Variants in CRTC1 observed in about 807,000 individuals in gnomAD.
CRTC1 encodes the protein CREB regulated transcription coactivator 1.
Under a neutral mutation model 66.1 loss-of-function variants are expected in CRTC1, and 18 were observed. The ratio of observed to expected loss-of-function variants is 0.27; its 90% confidence interval spans 0.19 to 0.40. CRTC1 has a LOEUF of 0.40. Ranked by LOEUF, CRTC1 falls within the 10% of genes least tolerant of loss-of-function variation. The probability of loss-of-function intolerance (pLI) is 1.00; values close to 1 mark genes in which losing one functional copy is unlikely to be tolerated. For synonymous variants in CRTC1, 416 were observed against 398.8 expected, an observed-to-expected ratio of 1.04 and a Z score of -0.51; for missense variants, 669 against 887.9, an observed-to-expected ratio of 0.75 and a Z score of 3.13.
chr19:18,723,253 T>C (rs1195883633), intron 1 of CRTC1, among the ~76,000 whole-genome samples: 1 of 152,240 alleles, frequency 6.6e-6, no homozygotes, highest in African/African-American at 2.4e-5. Flanking sequence ...CCTACAATCA[T>C]ATTTTGTTGT....
At chr19:18,753,113 A>G (rs1193826381) in intron 5 of CRTC1, among the ~76,000 whole-genome samples, 1 of 151,766 alleles carries the variant, frequency 6.6e-6, no homozygotes, top group Admixed American at 6.6e-5. Context: ...AAAATAAAAA[A>G]AATAAAAAAA....
At chr19:18,762,438 A>G (rs894754769) in intron 8 of CRTC1, among the ~76,000 whole-genome samples, 2 of 152,124 alleles carry the variant, frequency 1.3e-5, no homozygotes, top group Admixed American at 6.5e-5. Flanking sequence ...GGCACACACG[A>G]AGGTGGCCCC....
intron 1 of CRTC1, among the ~76,000 whole-genome samples, chr19:18,737,389 G>C (rs1055332284): frequency 1.3e-5 from 2 of 152,082 alleles, no homozygotes; most frequent in Admixed American, 1.3e-4. Context: ...ACTGATGCTG[G>C]CAAGCTCTCA....
chr19:18,758,635 T>G lies in CRTC1; in HGVS notation c.625-916T>G, dbSNP rs541288561. The stretch of plus-strand genomic sequence containing the variant: ...GGGACTCTCAGGAAGTAGCAGACCC[T>G]GAGGGTCCCCGGGGAAGTCACATGT... On this transcript the variant is annotated intron_variant, in intron 6 of 13. Transcript: ENST00000321949. Among the ~76,000 whole-genome samples the G allele has an allele frequency of 4.7e-3, 715 of 152,302 alleles. 5 individuals are homozygous for G. Among genetic ancestry groups the G allele is most frequent in the Admixed American group, 7.4e-3 (113 of 15,296 alleles).
intron 4 of CRTC1, among the ~76,000 whole-genome samples, chr19:18,748,435 T>A (rs12981986): frequency 0.017 from 2,416 of 143,636 alleles, 164 homozygotes; most frequent in Admixed American, 0.13. Flanking sequence ...CCCAGGCTGG[T>A]CTCAAACTCC....
At chr19:18,700,402 C>G (rs1039107201) in intron 1 of CRTC1, among the ~76,000 whole-genome samples, 6 of 152,156 alleles carry the variant, frequency 3.9e-5, no homozygotes, top group African/African-American at 1.4e-4. Flanking sequence ...GGGCTCTCGG[C>G]AAGGGGGCGA....
chr19:18,755,784 A>G (rs1056429319), intron 6 of CRTC1, among the ~76,000 whole-genome samples: 21 of 151,064 alleles, frequency 1.4e-4, no homozygotes, highest in Admixed American at 1.3e-3. Flanking sequence ...TAAATCATTT[A>G]TAGAGACAGG....
intron 1 of CRTC1, among the ~76,000 whole-genome samples, chr19:18,730,111 G>T (rs1027758861): frequency 6.6e-6 from 1 of 152,138 alleles, no homozygotes; most frequent in African/African-American, 2.4e-5. Context: ...GGCCGGCCGT[G>T]GCTTCTGATG....
In CRTC1 at chr19:18,745,606, C is replaced by T. The variant is rs952364536; in HGVS notation, c.244-217C>T. ...TGCACGCCCCTGCCACCCTGGCTCC[C>T]GGGACCCCAGCTCACACCCCCTCCC... On this transcript the variant is annotated intron_variant, in intron 2 of 13. Coordinates refer to ENST00000321949, the MANE Select transcript of CRTC1 (RefSeq NM_015321.3). Among the ~76,000 whole-genome samples the T allele has an allele frequency of 3.9e-5, 6 of 152,168 alleles. 1 individual carries two copies. The highest frequency in any genetic ancestry group is 1.4e-4 in the African/African-American group (6 of 41,442).
At position 18,749,862 on chromosome 19, in the gene CRTC1, G is replaced by A. The variant is rs1466224534; in HGVS notation, c.525G>A (p.Val175=). ...CCTTTAGCAGTGGGTCCCAGGACGTGCACCAGAAAAGAGGTATGGACAGGG... is the reference window on the plus strand; with the variant it reads ...CCTTTAGCAGTGGGTCCCAGGACGTACACCAGAAAAGAGGTATGGACAGGG... ...PESFSSGSQD[V]HQKRVLLLTV... Residue 175 remains valine (V), a synonymous_variant, in exon 5 of 14, where the codon GTG becomes GTA. Coordinates refer to ENST00000321949, the MANE Select transcript of CRTC1 (RefSeq NM_015321.3). 1 of 1,613,904 alleles carries A rather than the reference G, an allele frequency of 6.2e-7. No individual in the cohort carries two copies. Among genetic ancestry groups the A allele is most frequent in the Non-Finnish European group, 8.5e-7 (1 of 1,179,836 alleles).
At position 18,747,244 on chromosome 19, in the gene CRTC1, T is replaced by G. The variant is rs148896022; in HGVS notation, c.443+130T>G. 5.8e-4 allele frequency: 373 copies of G among 644,648 alleles called. 2 individuals carry two copies. The highest frequency in any genetic ancestry group is 2.8e-3 in the South Asian group (143 of 51,220). 39.9% of individuals were successfully genotyped at this position (644,648 alleles called of 1,614,324 possible). On this transcript the variant is annotated intron_variant, in intron 4 of 13. Transcript: ENST00000321949. Reference sequence around the variant, plus strand: ...GACCAAACTAAGATGCATCCAGAAGTTTCTAGAAATTAGCCTTCACCCTGA... The same window carrying G: ...GACCAAACTAAGATGCATCCAGAAGGTTCTAGAAATTAGCCTTCACCCTGA...
rs2055051798 is a variant in CRTC1 at position 18,778,986 on chromosome 19, A to T, written c.*1604A>T. 1 of 231,648 alleles carries T rather than the reference A, an allele frequency of 4.3e-6. No homozygotes were observed. The highest frequency in any genetic ancestry group is 2.2e-5 in the African/African-American group (1 of 45,228). 14.3% of individuals were successfully genotyped at this position (231,648 alleles called of 1,614,324 possible). On this transcript the variant is annotated 3_prime_UTR_variant, in exon 14 of 14. Transcript: ENST00000321949. ...AGGTTTCAGGAGCACCTCTAAGACCAGGGTGACAGGGTACTTGGGAGCTGT... is the reference window on the plus strand; with the variant it reads ...AGGTTTCAGGAGCACCTCTAAGACCTGGGTGACAGGGTACTTGGGAGCTGT...
chr19:18,771,374 G>C lies in CRTC1; in HGVS notation c.1321-68G>C. On this transcript the variant is annotated intron_variant, in intron 10 of 13. Coordinates refer to ENST00000321949, the MANE Select transcript of CRTC1 (RefSeq NM_015321.3). This position sits in a 1 kb window ranked among gnomAD's most constrained non-coding sequence, Gnocchi z 4.6. ...CTGGGGGCTGATCAGGCTGCTCCCG[G>C]GAAGCAGGGACTGGAGCCCGGGCTT... 1 of 1,396,772 alleles carries C rather than the reference G, an allele frequency of 7.2e-7. No homozygotes were observed. Among genetic ancestry groups the C allele is most frequent in the Non-Finnish European group, 9.8e-7 (1 of 1,018,840 alleles). 86.5% of individuals were successfully genotyped at this position (1,396,772 alleles called of 1,614,324 possible).
intron 6 of CRTC1, among the ~76,000 whole-genome samples, chr19:18,756,355 A>AC (rs1555786034): frequency 2.1e-4 from 31 of 147,596 alleles, no homozygotes; most frequent in Non-Finnish European, 3.6e-4. Flanking sequence ...AAAAAAAAAA[A>AC]CTCTAGGCTG....
At chr19:18,740,696 A>G (rs952160304) in intron 1 of CRTC1, among the ~76,000 whole-genome samples, 3 of 152,172 alleles carry the variant, frequency 2.0e-5, no homozygotes, top group Non-Finnish European at 4.4e-5. Context: ...AAGAATGAGC[A>G]TGGGGTTCCC....
intron 1 of CRTC1, among the ~76,000 whole-genome samples, chr19:18,732,962 C>T (rs1414107447): frequency 1.3e-5 from 2 of 151,924 alleles, no homozygotes; most frequent in East Asian, 3.9e-4. Flanking sequence ...TGGCGGGCAC[C>T]TATAGTCCCA....
chr19:18,732,194 T>TTGAA (rs1188622164), intron 1 of CRTC1, among the ~76,000 whole-genome samples: 1 of 152,112 alleles, frequency 6.6e-6, no homozygotes, highest in East Asian at 1.9e-4. Context: ...AACTCACAAG[T>TTGAA]TGAAGCCTTC....
intron 5 of CRTC1, among the ~76,000 whole-genome samples, chr19:18,751,943 T>G (rs757295413): frequency 2.0e-5 from 3 of 151,814 alleles, no homozygotes; most frequent in Non-Finnish European, 2.9e-5. Flanking sequence ...GTGGGCAGAT[T>G]GCTTGAGATC....
chr19:18,758,816 C>A (rs566857905), intron 6 of CRTC1, among the ~76,000 whole-genome samples: 2 of 152,206 alleles, frequency 1.3e-5, no homozygotes, highest in Non-Finnish European at 2.9e-5. Context: ...AGACTGGTGG[C>A]TGCTCACAAA....
Sources: gnomAD v4.1 joint callset for allele counts (sites outside exome capture counted in the v4.1 genomes callset) on GRCh38, gnomAD v4.1.1 for gene constraint, Gnocchi (gnomAD v3.1) non-coding constraint, MANE v1.5 for transcripts, NCBI Gene and HGNC (gene_info 2026-07-23, HGNC 2026-07-21) for gene names.